The following PCOLCE2 variants were observed in gnomAD, a reference collection of about 807,000 sequenced individuals.
The protein encoded by PCOLCE2 is procollagen C-endopeptidase enhancer 2.
In PCOLCE2, 42 loss-of-function variants were observed where a neutral mutation model predicts 47.0. That is an observed-to-expected ratio of 0.89 (90% CI 0.70 to 1.16). PCOLCE2 has a LOEUF of 1.16. PCOLCE2 is among the 50% of genes most tolerant of loss of function. PCOLCE2 has a pLI of 0.00. For missense variants in PCOLCE2, 500 were observed against 526.1 expected, an observed-to-expected ratio of 0.95 and a Z score of 0.49; for synonymous variants, 169 against 191.7, an observed-to-expected ratio of 0.88 and a Z score of 0.98.
intron 2 of PCOLCE2, among the ~76,000 whole-genome samples, chr3:142,860,096 T>C (rs575071460): frequency 2.0e-5 from 3 of 152,372 alleles, no homozygotes; most frequent in Admixed American, 2.0e-4. Context: ...AGTATGTCCA[T>C]AGTTTTTAAC....
At chr3:142,860,566 G>A (rs1163871254) in intron 2 of PCOLCE2, among the ~76,000 whole-genome samples, 2 of 151,888 alleles carry the variant, frequency 1.3e-5, no homozygotes, top group African/African-American at 2.4e-5. Flanking sequence ...CCACCACCAC[G>A]CCCAGCTAAT....
chr3:142,856,017 G>A (rs1331123131), intron 2 of PCOLCE2, among the ~76,000 whole-genome samples: 1 of 152,196 alleles, frequency 6.6e-6, no homozygotes. Flanking sequence ...GCACCTCTGT[G>A]GCAGGTAACT....
At chr3:142,834,924 T>C (rs1937186427) in intron 5 of PCOLCE2, among the ~76,000 whole-genome samples, 1 of 152,206 alleles carries the variant, frequency 6.6e-6, no homozygotes, top group Admixed American at 6.5e-5. Context: ...CTGTCAGAAC[T>C]TTTCCTTCCT....
At chr3:142,871,838 A>AT (rs1312533580) in intron 2 of PCOLCE2, among the ~76,000 whole-genome samples, 1 of 152,178 alleles carries the variant, frequency 6.6e-6, no homozygotes, top group Non-Finnish European at 1.5e-5. Context: ...ACTTGTATTA[A>AT]TATATACATA....
intron 5 of PCOLCE2, among the ~76,000 whole-genome samples, chr3:142,832,919 C>T (rs1937166304): frequency 6.6e-6 from 1 of 152,162 alleles, no homozygotes; most frequent in East Asian, 1.9e-4. Context: ...AAAACTATTC[C>T]TCTGGATAAA....
At chr3:142,823,476 A>C (rs1181047573) in intron 7 of PCOLCE2, 56 bp downstream of exon 7, 1 of 993,454 alleles carries the variant, frequency 1.0e-6, no homozygotes, top group Non-Finnish European at 1.6e-6. Flanking sequence ...TTTGAGATTA[A>C]GCATGCAGCC....
At chr3:142,830,035 G>A (rs1350291385) in intron 5 of PCOLCE2, among the ~76,000 whole-genome samples, 189 bp from the exon 6 acceptor site, 1 of 152,154 alleles carries the variant, frequency 6.6e-6, no homozygotes, top group African/African-American at 2.4e-5. Flanking sequence ...GCTAGGCACT[G>A]TGCTTTATGT....
At chr3:142,865,351 T>G (rs1259119226) in intron 2 of PCOLCE2, among the ~76,000 whole-genome samples, 2 of 152,200 alleles carry the variant, frequency 1.3e-5, no homozygotes, top group Non-Finnish European at 2.9e-5. Flanking sequence ...CCTAAAGTAC[T>G]TTTAAAATAC....
Position 142,856,672 on chromosome 3 carries a change from G to A in PCOLCE2, c.193-8200C>T, listed in dbSNP as rs117481560. 2.4e-4 allele frequency among the ~76,000 whole-genome samples: 37 copies of A among 152,340 alleles called. No individual in the cohort carries two copies. In the East Asian group the frequency reaches 6.2e-3, roughly 25 times the overall value. ...GAGGAGACAGGCAATCGTGCCAAGAGCTGTCGCATTAGGTTTTGGCTGGGG... is the reference window on the plus strand; with the variant it reads ...GAGGAGACAGGCAATCGTGCCAAGAACTGTCGCATTAGGTTTTGGCTGGGG... On this transcript the variant is annotated intron_variant, in intron 2 of 8. Coordinates refer to ENST00000295992, the MANE Select transcript of PCOLCE2 (RefSeq NM_013363.4).
At chr3:142,861,768 T>C (rs1006971249) in intron 2 of PCOLCE2, among the ~76,000 whole-genome samples, 1 of 152,224 alleles carries the variant, frequency 6.6e-6, no homozygotes, top group Non-Finnish European at 1.5e-5. Context: ...CATTCAGAAC[T>C]GAGGTGAGGC....
intron 5 of PCOLCE2, among the ~76,000 whole-genome samples, chr3:142,833,474 G>A (rs1258717058): frequency 6.7e-6 from 1 of 149,110 alleles, no homozygotes; most frequent in African/African-American, 2.5e-5. Context: ...GAGCCACCAC[G>A]CTCAGCCTTT....
intron 2 of PCOLCE2, among the ~76,000 whole-genome samples, chr3:142,882,589 A>ATTTTTTTTTTTTTTTTTTTTTTTT (rs1188049251): frequency 6.6e-6 from 1 of 151,642 alleles, no homozygotes. Context: ...TTATTATTAT[A>ATTTTTTTTTTTTTTTTTTTTTTTT]CTTTAGAGAA....
At chr3:142,848,069 A>T (rs998045773) in intron 3 of PCOLCE2, 148 bp downstream of exon 3, 1 of 720,474 alleles carries the variant, frequency 1.4e-6, no homozygotes, top group Non-Finnish European at 2.2e-6. Flanking sequence ...TAAAAGGCTG[A>T]TTTTTTGTAT....
At chr3:142,843,162 A>C (rs1937286440) in intron 3 of PCOLCE2, 114 bp from the exon 4 acceptor site, 2 of 995,512 alleles carry the variant, frequency 2.0e-6, no homozygotes, top group Non-Finnish European at 3.2e-6. Context: ...AATAAAGGCA[A>C]CAGCAGAAGC....
chr3:142,873,439 T>C (rs748690007), intron 2 of PCOLCE2, among the ~76,000 whole-genome samples: 3 of 151,340 alleles, frequency 2.0e-5, no homozygotes, highest in South Asian at 2.1e-4. Context: ...TAACTACCTA[T>C]ATAATATACT....
chr3:142,864,591 C>A (rs1933245432), intron 2 of PCOLCE2: 1 of 152,198 alleles, frequency 6.6e-6, no homozygotes, highest in African/African-American at 2.4e-5. Flanking sequence ...TGGAGTTGTG[C>A]AACCATCACT....
rs930618921 is a variant in PCOLCE2, at chr3:142,831,611, A to G, written c.711-1765T>C. ...AAAATATTCTATCATGCTTTTGAAAAACACTCCCATTAAATAAATAAAAAC... is the reference window on the plus strand; with the variant it reads ...AAAATATTCTATCATGCTTTTGAAAGACACTCCCATTAAATAAATAAAAAC... On this transcript the variant is annotated intron_variant, in intron 5 of 8. Transcript: ENST00000295992. Among the ~76,000 whole-genome samples, 3 of 152,170 alleles carry G rather than the reference A, an allele frequency of 2.0e-5. No individual in the cohort carries two copies. In the East Asian group the frequency reaches 5.8e-4, roughly 29 times the overall value.
intron 2 of PCOLCE2, among the ~76,000 whole-genome samples, chr3:142,873,539 G>A (rs73864477): frequency 0.017 from 2,604 of 152,090 alleles, 78 homozygotes; most frequent in African/African-American, 0.06. Context: ...AATTAACAAA[G>A]TTAACACTAA....
chr3:142,865,822 T>C (rs1358247219), intron 2 of PCOLCE2, among the ~76,000 whole-genome samples: 4 of 152,182 alleles, frequency 2.6e-5, no homozygotes, highest in African/African-American at 4.8e-5. Context: ...CAAGGAAATG[T>C]GGATATAGTC....
Sources: allele counts gnomAD v4.1 joint callset (sites outside exome capture counted in the v4.1 genomes callset), GRCh38; gene constraint gnomAD v4.1.1; transcripts MANE v1.5; gene names NCBI Gene and HGNC (gene_info 2026-07-23, HGNC 2026-07-21).